The following SOX5 variants were observed in gnomAD, a reference collection of about 807,000 sequenced individuals.
SOX5 encodes the protein transcription factor SOX-5.
In SOX5, 9 loss-of-function variants were observed where a neutral mutation model predicts 92.0. The ratio of observed to expected loss-of-function variants is 0.10; its 90% confidence interval spans 0.06 to 0.17. The LOEUF (loss-of-function observed/expected upper bound fraction) is 0.17. SOX5 is among the 10% of genes least tolerant of loss of function. The pLI is 1.00. For synonymous variants in SOX5, 344 were observed against 336.3 expected, an observed-to-expected ratio of 1.02 and a Z score of -0.25; for missense variants, 642 against 944.5, an observed-to-expected ratio of 0.68 and a Z score of 4.20.
chr12:24,202,876 T>G (rs1240311521), intron 4 of SOX5, among the ~76,000 whole-genome samples: 3 of 152,204 alleles, frequency 2.0e-5, no homozygotes, highest in Admixed American at 6.5e-5. Context: ...TCTGCCAGGT[T>G]TTTCCACTGT....
intron 3 of SOX5, among the ~76,000 whole-genome samples, chr12:23,799,509 ACCCT>A (rs2095623978): frequency 6.6e-6 from 1 of 152,066 alleles, no homozygotes; most frequent in Admixed American, 6.6e-5. Flanking sequence ...AAACAGTGAA[ACCCT>A]CAGCAGTTTC....
intron 4 of SOX5, among the ~76,000 whole-genome samples, chr12:24,098,051 G>T (rs954181418): frequency 8.5e-5 from 13 of 152,086 alleles, no homozygotes; most frequent in African/African-American, 2.9e-4. Context: ...TTTACTTTAT[G>T]AATTTTAGTC....
In SOX5 at chr12:24,095,178, CAGAG is replaced by C. The variant is rs139414194; in HGVS notation, c.-2+118161_-2+118164del. 1.6e-4 allele frequency among the ~76,000 whole-genome samples: 19 copies of C among 117,458 alleles called. No individual in the cohort carries two copies. The South Asian group carries it at 2.4e-3, about 15-fold the overall frequency. 77.1% of individuals were successfully genotyped at this position (117,458 alleles called of 152,430 possible). A position where few individuals can be genotyped will look rare whatever the true frequency, so the allele number is the denominator to read the frequency against. On this transcript the variant is annotated intron_variant, in intron 4 of 4. Coordinates refer to the SOX5 transcript ENST00000446891. ...AGAGACAGAGACAGAGAGACAGAGA[CAGAG>C]AGAGAGAGAGAGATTCCTTTCCTAA...
chr12:24,298,055 T>C (rs149672558), intron 2 of SOX5, among the ~76,000 whole-genome samples: 49 of 152,306 alleles, frequency 3.2e-4, no homozygotes, highest in African/African-American at 1.1e-3. Flanking sequence ...TATGTTCTTA[T>C]TCCCCAAAAG....
At position 24,127,406 on chromosome 12, in the gene SOX5, G is replaced by GATAATAATAATA. The variant is rs35206737; in HGVS notation, c.-2+85925_-2+85936dup. 2.5e-4 allele frequency among the ~76,000 whole-genome samples: 37 copies of GATAATAATAATA among 147,182 alleles called. 1 individual carries two copies. The South Asian group carries it at 2.6e-3, about 10-fold the overall frequency. ...ACCCTATCTCAATAATAATAATAAT[G>GATAATAATAATA]ATAATAATAATAATAATAATAATAC... On this transcript the variant is annotated intron_variant, in intron 4 of 4. Transcript: ENST00000446891.
At chr12:23,539,040 C>G (rs1365762385) in intron 13 of SOX5, among the ~76,000 whole-genome samples, 5 of 151,776 alleles carry the variant, frequency 3.3e-5, no homozygotes, top group Non-Finnish European at 7.4e-5. Context: ...CTCCTGATCT[C>G]GTGATCTGCC....
At chr12:24,061,116 CCT>C (rs1939603586) in intron 4 of SOX5, among the ~76,000 whole-genome samples, 1 of 151,792 alleles carries the variant, frequency 6.6e-6, no homozygotes, top group South Asian at 2.1e-4. Flanking sequence ...CTTTCCTCCT[CCT>C]TTTTTTTTTG....
Position 23,534,327 on chromosome 12 carries a change from G to A in SOX5, c.2184C>T (p.Ala728=), listed in dbSNP as rs138618584. Residue 728 remains alanine (A), a synonymous_variant, in exon 15 of 15, where the codon GCC becomes GCT. Transcript: ENST00000451604. ...CATAAATTTCTCCATTGATGTCCTC[G>A]GCCTGTATCTCTTCTTTGATATGTG... is the stretch of plus-strand genomic sequence containing the variant. ...EEPHIKEEIQ[A]EDINGEIYDE... 29 of 1,613,918 alleles carry A rather than the reference G, an allele frequency of 1.8e-5. No homozygotes were observed. Among genetic ancestry groups the A allele is most frequent in the South Asian group, 4.4e-5 (4 of 91,068 alleles).
chr12:23,605,192 A>T (rs2075090502), intron 8 of SOX5, among the ~76,000 whole-genome samples: 1 of 152,174 alleles, frequency 6.6e-6, no homozygotes, highest in Non-Finnish European at 1.5e-5. Flanking sequence ...TGCCTAAAAC[A>T]CATATTCTTC....
intron 2 of SOX5, among the ~76,000 whole-genome samples, chr12:24,336,952 A>G (rs1951983579): frequency 6.6e-6 from 1 of 152,248 alleles, no homozygotes; most frequent in Non-Finnish European, 1.5e-5. Context: ...TGCATTTGCC[A>G]AACTACATTA....
intron 1 of SOX5, among the ~76,000 whole-genome samples, chr12:24,507,037 G>A (rs1333581763): frequency 2.6e-5 from 4 of 151,720 alleles, no homozygotes; most frequent in East Asian, 3.9e-4. Flanking sequence ...TGATCCGCCC[G>A]CCTCGGCCTC....
chr12:24,283,565 G>A (rs1945471142), intron 2 of SOX5, among the ~76,000 whole-genome samples: 1 of 152,158 alleles, frequency 6.6e-6, no homozygotes, highest in Admixed American at 6.5e-5. Flanking sequence ...TTGGAAAAGT[G>A]TTATTGTTAA....
chr12:23,606,499 G>T (rs1592512735), intron 8 of SOX5, among the ~76,000 whole-genome samples: 1 of 151,496 alleles, frequency 6.6e-6, no homozygotes, highest in Admixed American at 6.6e-5. Flanking sequence ...GAACAAAACA[G>T]TTATTCAAAA....
chr12:24,361,666 C>G (rs1051463092), intron 2 of SOX5, among the ~76,000 whole-genome samples: 1 of 151,806 alleles, frequency 6.6e-6, no homozygotes, highest in Non-Finnish European at 1.5e-5. Context: ...CGTGCGCACA[C>G]GCACATGTGC....
intron 4 of SOX5, among the ~76,000 whole-genome samples, chr12:24,009,334 A>G (rs993452904): frequency 6.6e-6 from 1 of 152,196 alleles, no homozygotes; most frequent in Non-Finnish European, 1.5e-5. Flanking sequence ...TATTGTGTGG[A>G]AAGAATTCAG....
Position 24,082,359 on chromosome 12 carries a change from T to A in SOX5, c.-2+130984A>T, listed in dbSNP as rs528105808. On this transcript the variant is annotated intron_variant, in intron 4 of 4. Transcript: ENST00000446891. ...TGGCTGCAGCCACAAACAAACAAAA[T>A]CAATTGCTGTAAATTTCTCTCACCA... Among the ~76,000 whole-genome samples the A allele has an allele frequency of 2.1e-5, 2 of 97,058 alleles. 1 individual carries two copies. The highest frequency in any genetic ancestry group is 7.5e-4 in the South Asian group (2 of 2,660). 63.7% of individuals were successfully genotyped at this position (97,058 alleles called of 152,430 possible). A position where few individuals can be genotyped will look rare whatever the true frequency, so the allele number is the denominator to read the frequency against.
chr12:24,503,077 A>G (rs1948380208), intron 1 of SOX5, among the ~76,000 whole-genome samples: 1 of 152,252 alleles, frequency 6.6e-6, no homozygotes, highest in Admixed American at 6.5e-5. Flanking sequence ...TAACATTAGT[A>G]GGAAAGCTAG....
intron 4 of SOX5, among the ~76,000 whole-genome samples, chr12:24,121,626 C>T (rs1355720157): frequency 4.2e-5 from 6 of 143,272 alleles, no homozygotes; most frequent in African/African-American, 1.3e-4. Context: ...CGGTGGCTCA[C>T]GCCTGTAATC....
intron 1 of SOX5, among the ~76,000 whole-genome samples, chr12:23,902,580 T>A (rs1365322676): frequency 2.3e-5 from 3 of 131,774 alleles, no homozygotes; most frequent in East Asian, 2.0e-4. Flanking sequence ...CATAAAAAAA[T>A]TAAACATTTT....
Sources: gnomAD v4.1 joint callset for allele counts (sites outside exome capture counted in the v4.1 genomes callset) on GRCh38, gnomAD v4.1.1 for gene constraint, MANE v1.5 for transcripts, NCBI Gene and HGNC (gene_info 2026-07-23, HGNC 2026-07-21) for gene names.